Variants in DIAPH2 observed in about 807,000 individuals in gnomAD.
DIAPH2 encodes diaphanous related formin 2.
A neutral mutation model predicts 92.7 loss-of-function variants in DIAPH2; 35 were observed. The observed-to-expected ratio is 0.38, with a 90% CI of 0.29 to 0.50. The LOEUF (loss-of-function observed/expected upper bound fraction) is 0.50, where lower values mean the gene tolerates loss of function less well. Ranked by LOEUF, DIAPH2 falls within the 20% of genes least tolerant of loss-of-function variation. The probability of loss-of-function intolerance (pLI) is 0.94; values close to 1 mark genes in which losing one functional copy is unlikely to be tolerated. For synonymous variants in DIAPH2, 301 were observed against 280.4 expected (o/e 1.07, Z -0.73); for missense variants, 701 against 819.5 (o/e 0.86, Z 1.77).
intron 22 of DIAPH2, among the ~76,000 whole-genome samples, chrX:97,182,343 G>A (rs1029948933): frequency 1.8e-5 from 2 of 111,945 alleles, no homozygotes; most frequent in Non-Finnish European, 3.8e-5. Flanking sequence ...TCCTGTGGTG[G>A]AAGAAGTTTG....
intron 25 of DIAPH2, among the ~76,000 whole-genome samples, chrX:97,414,857 G>A (rs1332091380): frequency 9.0e-6 from 1 of 110,837 alleles, no homozygotes; most frequent in Non-Finnish European, 1.9e-5. Context: ...AAGCCAAATG[G>A]GATCTAATTA....
chrX:96,960,208 G>GT (rs768644333), intron 16 of DIAPH2, among the ~76,000 whole-genome samples: 2 of 111,135 alleles, frequency 1.8e-5, no homozygotes, highest in South Asian at 7.6e-4. Context: ...TTGTATGGTC[G>GT]TTTTAACAGT....
chrX:97,475,072 T>C (rs2070593426), intron 26 of DIAPH2, among the ~76,000 whole-genome samples: 1 of 111,419 alleles, frequency 9.0e-6, no homozygotes. Flanking sequence ...CAGGTTTGAT[T>C]TAATGATAAA....
chrX:97,406,700 A>G (rs1475522867), intron 25 of DIAPH2, among the ~76,000 whole-genome samples: 2 of 111,877 alleles, frequency 1.8e-5, no homozygotes, highest in Non-Finnish European at 3.8e-5. Context: ...AATGGTTCTT[A>G]TCATTTCTTT....
intron 26 of DIAPH2, among the ~76,000 whole-genome samples, chrX:97,493,558 G>T (rs1431334307): frequency 9.0e-6 from 1 of 111,133 alleles, no homozygotes; most frequent in Non-Finnish European, 1.9e-5. Flanking sequence ...ACCGCACCCG[G>T]CCTGGTTATT....
chrX:97,264,927 G>C (rs2068323175), intron 23 of DIAPH2, among the ~76,000 whole-genome samples: 1 of 111,104 alleles, frequency 9.0e-6, no homozygotes, highest in African/African-American at 3.3e-5. Context: ...AGGTTGCAGT[G>C]AGCCAAGATC....
At chrX:97,117,966 T>G (rs1043752210) in intron 21 of DIAPH2, among the ~76,000 whole-genome samples, 6 of 111,436 alleles carry the variant, frequency 5.4e-5, no homozygotes, top group South Asian at 3.8e-4. Flanking sequence ...GTTTGTTGTT[T>G]TTTTTTTCAG....
At chrX:97,468,638 GAAA>G (rs10534345) in intron 26 of DIAPH2, among the ~76,000 whole-genome samples, 44 of 89,638 alleles carry the variant, frequency 4.9e-4, no homozygotes, top group South Asian at 4.1e-3. Flanking sequence ...AGGTCTTTGT[GAAA>G]AAAAAAAAAA....
At chrX:97,413,351 T>C (rs2069900694) in intron 25 of DIAPH2, among the ~76,000 whole-genome samples, 1 of 111,482 alleles carries the variant, frequency 9.0e-6, no homozygotes, top group Non-Finnish European at 1.9e-5. Flanking sequence ...GACAGAATTC[T>C]ACAACCCTTC....
rs747900684 is a variant in DIAPH2 at position 96,881,680 on chromosome X, A to G, written c.549A>G (p.Leu183=). ...CAGATGAGAAACTTCTTAATTGCCT[A>G]GAATCCCTCAGGGTTTCTTTAACCA... ...GISDEKLLNC[L]ESLRVSLTSN... Residue 183 remains leucine, a synonymous_variant, in exon 5 of 27, where the codon CTA becomes CTG. Coordinates refer to ENST00000324765, the MANE Select transcript of DIAPH2 (RefSeq NM_006729.5). The G allele has an allele frequency of 4.1e-6, 5 of 1,209,279 alleles. No homozygotes were observed. Among genetic ancestry groups the G allele is most frequent in the South Asian group, 1.8e-5 (1 of 56,461 alleles).
At chrX:97,354,789 C>T (rs1211726433) in intron 24 of DIAPH2, among the ~76,000 whole-genome samples, 1 of 112,847 alleles carries the variant, frequency 8.9e-6, no homozygotes, top group Non-Finnish European at 1.9e-5. Flanking sequence ...AGATTGAACT[C>T]TTCTCCCAAA....
At chrX:97,300,972 GA>G (rs2068697547) in intron 23 of DIAPH2, among the ~76,000 whole-genome samples, 1 of 38,716 alleles carries the variant, frequency 2.6e-5, no homozygotes, top group Admixed American at 4.2e-4. Flanking sequence ...AAAAGAAGAA[GA>G]AGAATGTCTC....
chrX:97,374,447 C>T (rs956361283), intron 24 of DIAPH2, among the ~76,000 whole-genome samples: 1 of 111,691 alleles, frequency 9.0e-6, no homozygotes, highest in Non-Finnish European at 1.9e-5. Context: ...TTTCAATTAC[C>T]CCAGTGAGAA....
chrX:97,469,954 A>T, intron 26 of DIAPH2: 1 of 569,325 alleles, frequency 1.8e-6, no homozygotes, highest in Non-Finnish European at 2.6e-6. Context: ...TGGAAAGAAA[A>T]TATAGACTTG....
At chrX:97,566,805 C>A (rs1377711427) in intron 26 of DIAPH2, among the ~76,000 whole-genome samples, 2 of 111,272 alleles carry the variant, frequency 1.8e-5, no homozygotes, top group African/African-American at 3.3e-5. Flanking sequence ...GGTACAATTT[C>A]AAGGTGGTGC....
chrX:97,201,139 C>G (rs1307910938), intron 22 of DIAPH2, among the ~76,000 whole-genome samples: 2 of 97,409 alleles, frequency 2.1e-5, no homozygotes, highest in Admixed American at 2.2e-4. Context: ...AGACCCCCCC[C>G]CCAAAAAAAA....
intron 4 of DIAPH2, among the ~76,000 whole-genome samples, chrX:96,808,323 C>T (rs1449315240): frequency 9.0e-6 from 1 of 110,967 alleles, no homozygotes; most frequent in Non-Finnish European, 1.9e-5. Flanking sequence ...GCTTCAAATG[C>T]ACCAGTACCC....
intron 23 of DIAPH2, among the ~76,000 whole-genome samples, chrX:97,292,991 C>G (rs1300670884): frequency 9.1e-6 from 1 of 110,354 alleles, no homozygotes; most frequent in Non-Finnish European, 1.9e-5. Context: ...CTTATTAAAG[C>G]CAGAATTAAC....
At chrX:96,871,433 G>A (rs764666601) in intron 4 of DIAPH2, among the ~76,000 whole-genome samples, 32 of 84,535 alleles carry the variant, frequency 3.8e-4, no homozygotes, top group African/African-American at 1.4e-3. Context: ...TCGCGCCACC[G>A]TACTCCAGCC....
Sources: gnomAD v4.1 joint callset for allele counts (sites outside exome capture counted in the v4.1 genomes callset) on GRCh38, gnomAD v4.1.1 for gene constraint, MANE v1.5 for transcripts, NCBI Gene and HGNC (gene_info 2026-07-23, HGNC 2026-07-21) for gene names.